NRG3: variants seen among roughly 807,000 people sequenced by gnomAD.
The protein encoded by NRG3 is pro-neuregulin-3, membrane-bound isoform.
A neutral mutation model predicts 66.9 loss-of-function variants in NRG3; 31 were observed. The observed-to-expected ratio is 0.46, with a 90% CI of 0.35 to 0.63. The LOEUF (loss-of-function observed/expected upper bound fraction) is 0.63. NRG3 is among the 20% of genes least tolerant of loss of function. NRG3 has a pLI of 0.00. For missense variants in NRG3, 910 were observed against 878.9 expected, an observed-to-expected ratio of 1.04 and a Z score of -0.45; for synonymous variants, 393 against 359.4, an observed-to-expected ratio of 1.09 and a Z score of -1.06.
At chr10:82,151,064 G>A (rs2070708600) in intron 1 of NRG3, among the ~76,000 whole-genome samples, 1 of 152,156 alleles carries the variant, frequency 6.6e-6, no homozygotes, top group African/African-American at 2.4e-5. Context: ...GTATGCTAAG[G>A]GTCCAAAGCA....
At position 82,357,001 on chromosome 10, in the gene NRG3, CAAAG is replaced by C. The variant is rs368101689; in HGVS notation, c.824-1733_824-1730del. Among the ~76,000 whole-genome samples the C allele has an allele frequency of 2.0e-3, 297 of 152,164 alleles. 3 individuals carry two copies. Among genetic ancestry groups the C allele is most frequent in the South Asian group, 0.018 (87 of 4,822 alleles). On this transcript the variant is annotated intron_variant, in intron 1 of 8. Coordinates refer to ENST00000372141, the MANE Select transcript of NRG3 (RefSeq NM_001010848.4). Reference sequence around the variant, plus strand: ...TTACAGAAGAAAGGAACAGATAAAACAAAGAAAGGATTACTTGCAGTGTTGAATG... The same window carrying C: ...TTACAGAAGAAAGGAACAGATAAAACAAAGGATTACTTGCAGTGTTGAATG...
intron 1 of NRG3, among the ~76,000 whole-genome samples, chr10:82,253,977 A>G (rs2077598305): frequency 6.6e-6 from 1 of 152,184 alleles, no homozygotes. Flanking sequence ...GCTCCCGTTC[A>G]TTACCCAGCT....
chr10:82,665,547 C>G (rs1310203496), intron 2 of NRG3, among the ~76,000 whole-genome samples: 1 of 152,188 alleles, frequency 6.6e-6, no homozygotes, highest in East Asian at 1.9e-4. Flanking sequence ...CTCCTCATGA[C>G]TGGTTTATTC....
chr10:82,367,154 A>G (rs993936135), intron 2 of NRG3, among the ~76,000 whole-genome samples: 2 of 151,954 alleles, frequency 1.3e-5, no homozygotes, highest in African/African-American at 4.8e-5. Context: ...ACGTGCACAC[A>G]CTCTTTTTGT....
intron 4 of NRG3, among the ~76,000 whole-genome samples, chr10:82,918,181 G>A (rs1846068896): frequency 6.6e-6 from 1 of 151,934 alleles, no homozygotes. Context: ...AACTTGGCAA[G>A]ATTACACACT....
rs1845699340 is a variant in NRG3, at chr10:81,916,307, A to G, written c.823+40144A>G. Among the ~76,000 whole-genome samples, 3 of 152,174 alleles carry G rather than the reference A, an allele frequency of 2.0e-5. No homozygotes were observed. In the South Asian group the frequency reaches 6.2e-4, roughly 32 times the overall value. ...TATTTACTGGGCATCTAATATTTGC[A>G]GTTTACTACATTTTGGTTATATAAC... On this transcript the variant is annotated intron_variant, in intron 1 of 8. Transcript: ENST00000372141.
At chr10:81,892,723 TA>T (rs1289218797) in intron 1 of NRG3, among the ~76,000 whole-genome samples, 1 of 152,022 alleles carries the variant, frequency 6.6e-6, no homozygotes, top group African/African-American at 2.4e-5. Flanking sequence ...TACACAAAAA[TA>T]GAAAGAACGA....
chr10:82,170,592 C>G (rs1254394729), intron 1 of NRG3, among the ~76,000 whole-genome samples: 3 of 143,678 alleles, frequency 2.1e-5, no homozygotes, highest in African/African-American at 7.6e-5. Context: ...GCTTAATTTT[C>G]TCATTTTTAA....
At chr10:81,961,053 C>A (rs1020082549) in intron 1 of NRG3, among the ~76,000 whole-genome samples, 1 of 152,108 alleles carries the variant, frequency 6.6e-6, no homozygotes, top group African/African-American at 2.4e-5. Context: ...TAAGCTAGCA[C>A]CACTGTCTTA....
rs73309840 is a variant in NRG3 at position 82,517,711 on chromosome 10, C to T, written c.953+158843C>T. Among the ~76,000 whole-genome samples the T allele has an allele frequency of 1.6e-3, 232 of 145,872 alleles. 1 individual carries two copies. Among genetic ancestry groups the T allele is most frequent in the African/African-American group, 5.7e-3 (224 of 39,472 alleles). ...TGTGTGTGTGTCTGTATGTTTCTGT[C>T]TGTAGAATTAGGTGGAGGGTTGGTA... On this transcript the variant is annotated intron_variant, in intron 2 of 8. Coordinates refer to ENST00000372141, the MANE Select transcript of NRG3 (RefSeq NM_001010848.4).
chr10:81,913,425 C>CT (rs796096026), intron 1 of NRG3, among the ~76,000 whole-genome samples: 3,074 of 145,600 alleles, frequency 0.021, 90 homozygotes, highest in African/African-American at 0.069. Flanking sequence ...GGACTTTTTT[C>CT]TTTTTTTTTT....
At chr10:82,385,397 G>A (rs1364127398) in intron 2 of NRG3, among the ~76,000 whole-genome samples, 1 of 151,994 alleles carries the variant, frequency 6.6e-6, no homozygotes, top group Non-Finnish European at 1.5e-5. Context: ...AACAATAATA[G>A]CTACAAAGTT....
intron 2 of NRG3, among the ~76,000 whole-genome samples, chr10:82,444,833 C>T (rs965831085): frequency 6.6e-6 from 1 of 152,184 alleles, no homozygotes; most frequent in African/African-American, 2.4e-5. Context: ...AAGAGTGCTA[C>T]AGGTCAAATC....
At chr10:82,592,400 C>T (rs1316436606) in intron 2 of NRG3, among the ~76,000 whole-genome samples, 2 of 152,144 alleles carry the variant, frequency 1.3e-5, no homozygotes, top group South Asian at 2.1e-4. Context: ...CAGAGGATGT[C>T]CTCTTACATT....
intron 2 of NRG3, among the ~76,000 whole-genome samples, chr10:82,523,126 A>T (rs1377053791): frequency 6.6e-6 from 1 of 152,204 alleles, no homozygotes; most frequent in Non-Finnish European, 1.5e-5. Flanking sequence ...ATTGCATTGT[A>T]TGGATCTACT....
intron 3 of NRG3, among the ~76,000 whole-genome samples, chr10:82,801,386 G>A (rs2061029821): frequency 6.6e-6 from 1 of 152,154 alleles, no homozygotes; most frequent in African/African-American, 2.4e-5. Context: ...TGGCAAGATA[G>A]TGTTAGAAAA....
chr10:82,483,036 G>A (rs573373165), intron 2 of NRG3, among the ~76,000 whole-genome samples: 1 of 152,218 alleles, frequency 6.6e-6, no homozygotes, highest in South Asian at 2.1e-4. Flanking sequence ...AGTAACTTCA[G>A]TTCAAAAAAT....
intron 1 of NRG3, among the ~76,000 whole-genome samples, chr10:81,979,947 A>G (rs1454511482): frequency 1.3e-5 from 2 of 152,210 alleles, no homozygotes; most frequent in African/African-American, 2.4e-5. Context: ...CAAAAAATCA[A>G]GAAGACCACA....
In NRG3 at chr10:82,894,503, C is replaced by T. The variant is rs74853352; in HGVS notation, c.1054+29066C>T. The stretch of plus-strand genomic sequence containing the variant: ...AACATCTCCCATTTTCTTTGTCATC[C>T]GTAATACCAATTTTGGTTCTCAGGT... On this transcript the variant is annotated intron_variant, in intron 4 of 8. Transcript: ENST00000372141. 1.1e-3 allele frequency among the ~76,000 whole-genome samples: 162 copies of T among 152,160 alleles called. 2 individuals carry two copies. In the East Asian group the frequency reaches 0.029, roughly 27 times the overall value.
Sources: gnomAD v4.1 joint callset for allele counts (sites outside exome capture counted in the v4.1 genomes callset) on GRCh38, gnomAD v4.1.1 for gene constraint, MANE v1.5 for transcripts, NCBI Gene and HGNC (gene_info 2026-07-23, HGNC 2026-07-21) for gene names.